Variants in ERCC4 observed in about 807,000 individuals in gnomAD.
The protein encoded by ERCC4 is DNA repair endonuclease XPF.
Under a neutral mutation model 76.9 loss-of-function variants are expected in ERCC4, and 65 were observed. The observed-to-expected ratio is 0.84, with a 90% confidence interval of 0.69 to 1.04. The LOEUF (loss-of-function observed/expected upper bound fraction) is 1.04, where lower values mean the gene tolerates loss of function less well. Among genes scored for constraint, ERCC4 ranks in the 50% least tolerant of loss-of-function variants. The pLI is 0.00. For missense variants in ERCC4, 1,214 were observed against 1,128.2 expected (o/e 1.08, Z -1.09); for synonymous variants, 463 against 410.1 (o/e 1.13, Z -1.56).
chr16:13,933,981 T>C (rs1567247027), intron 6 of ERCC4: 4 of 488,066 alleles, frequency 8.2e-6, no homozygotes, highest in Non-Finnish European at 1.5e-5. Context: ...CCAAGGCATT[T>C]TGAAAGCCAT....
Position 13,926,635 on chromosome 16 carries a change from A to G in ERCC4, c.463A>G (p.Lys155Glu). 2 of 1,614,210 alleles carry G rather than the reference A, an allele frequency of 1.2e-6. No individual in the cohort carries two copies. Among genetic ancestry groups the G allele is most frequent in the Non-Finnish European group, 1.7e-6 (2 of 1,180,020 alleles). Residue 155 changes from lysine (K) to glutamate (E), a missense_variant, in exon 3 of 11, where the codon AAA becomes GAA. Coordinates refer to ENST00000311895, the MANE Select transcript of ERCC4 (RefSeq NM_005236.3). ...ATTCATCTTGCGCCTCTTTCGCCAG[A>G]AAAACAAACGTGGTTTTATTAAAGC... is the stretch of plus-strand genomic sequence containing the variant. Reference protein sequence around the residue: ...EAFILRLFRQKNKRGFIKAFT... With the variant: ...EAFILRLFRQENKRGFIKAFT...
intron 1 of ERCC4, among the ~76,000 whole-genome samples, chr16:13,920,995 G>T: frequency 6.6e-6 from 1 of 152,170 alleles, no homozygotes; most frequent in East Asian, 1.9e-4. Flanking sequence ...TCGCTGCAGG[G>T]GAGGGGGAGA....
rs1809064901 is a variant in ERCC4, at chr16:13,948,224, A to G, written c.2628A>G (p.Leu876=). ...ACCACGTTAAGAACATCGCAGAATT[A>G]GCAGCCCTGTCACAAGACGAGCTCA... ...LMHHVKNIAE[L]AALSQDELTS... is the part of the protein sequence containing the mutation. The change falls in exon 11 of 11, where the codon TTA becomes TTG. Residue 876 remains leucine (L), a synonymous_variant. Transcript: ENST00000311895. The G allele has an allele frequency of 5.0e-6, 8 of 1,614,222 alleles. No individual in the cohort carries two copies. The highest frequency in any genetic ancestry group is 5.1e-6 in the Non-Finnish European group (6 of 1,180,042).
chr16:13,945,147 A>G (rs2032490892), intron 10 of ERCC4, among the ~76,000 whole-genome samples: 1 of 152,210 alleles, frequency 6.6e-6, no homozygotes, highest in African/African-American at 2.4e-5. Context: ...GTACTTTTGC[A>G]AATAAACTTT....
chr16:13,934,921 T>C, intron 7 of ERCC4: 1 of 496,782 alleles, frequency 2.0e-6, no homozygotes, highest in East Asian at 3.1e-5. Flanking sequence ...TTTCATAAGA[T>C]TAAATAGTCT....
intron 8 of ERCC4, 107 bp downstream of exon 8, chr16:13,935,850 C>A: frequency 1.1e-6 from 1 of 902,076 alleles, no homozygotes; most frequent in Non-Finnish European, 1.8e-6. Flanking sequence ...TACGATGCTG[C>A]TTATGTTTAT....
Position 13,949,338 on chromosome 16 carries a change from T to C in ERCC4, c.*991T>C. The C allele has an allele frequency of 4.3e-6, 1 of 233,684 alleles. No individual in the cohort carries two copies. Among genetic ancestry groups the C allele is most frequent in the Non-Finnish European group, 8.5e-6 (1 of 118,316 alleles). The allele number at this position is 233,684 out of a possible 1,614,324, so 14.5% of individuals were successfully genotyped here. On this transcript the variant is annotated 3_prime_UTR_variant, in exon 11 of 11. Coordinates refer to ENST00000311895, the MANE Select transcript of ERCC4 (RefSeq NM_005236.3). ...CATATCCTCTAGAAATACAACCTAA[T>C]TGGCAGTGAGCCGAGATCGCACCAC...
chr16:13,938,492 C>A (rs575305438), intron 9 of ERCC4, among the ~76,000 whole-genome samples: 2 of 152,138 alleles, frequency 1.3e-5, no homozygotes, highest in South Asian at 4.1e-4. Flanking sequence ...TGAAGGCATT[C>A]GATAAATCTG....
intron 4 of ERCC4, among the ~76,000 whole-genome samples, chr16:13,929,732 G>A (rs552412099): frequency 6.6e-6 from 1 of 152,202 alleles, no homozygotes; most frequent in Non-Finnish European, 1.5e-5. Context: ...TTGGGAGGCC[G>A]AGGCGGGCAG....
chr16:13,925,646 A>G (rs1260002721), intron 2 of ERCC4, among the ~76,000 whole-genome samples: 1 of 152,222 alleles, frequency 6.6e-6, no homozygotes, highest in East Asian at 1.9e-4. Flanking sequence ...CCTTCCAGAT[A>G]TGAGAACTGG....
At chr16:13,941,942 G>T (rs1026187659) in intron 9 of ERCC4, among the ~76,000 whole-genome samples, 2 of 152,160 alleles carry the variant, frequency 1.3e-5, no homozygotes, top group Non-Finnish European at 2.9e-5. Flanking sequence ...TTGAAGACTG[G>T]GTGCAGTGGC....
intron 8 of ERCC4, among the ~76,000 whole-genome samples, chr16:13,936,837 A>T (rs942845354): frequency 6.6e-6 from 1 of 152,226 alleles, no homozygotes; most frequent in Non-Finnish European, 1.5e-5. Flanking sequence ...AGGTGAAGCA[A>T]AGGGACAGAG....
intron 9 of ERCC4, among the ~76,000 whole-genome samples, chr16:13,942,507 C>G (rs1218883935): frequency 1.3e-5 from 2 of 152,306 alleles, no homozygotes; most frequent in East Asian, 3.9e-4. Flanking sequence ...AATAATAACA[C>G]CTAACATTTA....
At chr16:13,945,817 C>CCACA (rs1405574424) in intron 10 of ERCC4, among the ~76,000 whole-genome samples, 1 of 152,162 alleles carries the variant, frequency 6.6e-6, no homozygotes, top group East Asian at 1.9e-4. Flanking sequence ...AGTATGGGTA[C>CCACA]CACACAGAGA....
Position 13,925,317 on chromosome 16 carries a change from C to T in ERCC4, c.389-1244C>T, listed in dbSNP as rs192239769. Among the ~76,000 whole-genome samples the T allele has an allele frequency of 4.5e-3, 688 of 152,252 alleles. 4 individuals are homozygous for T. The highest frequency in any genetic ancestry group is 0.016 in the African/African-American group (646 of 41,542). On this transcript the variant is annotated intron_variant, in intron 2 of 10. Transcript: ENST00000311895. ...TTCATTTTTATTATTCTTGACTCTACGTAATATTTCAATCCAGGCTAACAA... is the reference window on the plus strand; with the variant it reads ...TTCATTTTTATTATTCTTGACTCTATGTAATATTTCAATCCAGGCTAACAA...
At chr16:13,938,628 A>G (rs1200052274) in intron 9 of ERCC4, among the ~76,000 whole-genome samples, 1 of 152,232 alleles carries the variant, frequency 6.6e-6, no homozygotes, top group African/African-American at 2.4e-5. Flanking sequence ...GCTGAGCCAG[A>G]GAAAGTTAGA....
Position 13,930,905 on chromosome 16 carries a change from T to C in ERCC4, c.973+15T>C, listed in dbSNP as rs764556531. ...TCAGAATTCAGGTGGGAGATTAAAA[T>C]ACTAATAATATTCTAAGAGCTGATT... On this transcript the variant is annotated intron_variant, in intron 5 of 10. Transcript: ENST00000311895. 3.9e-6 allele frequency: 6 copies of C among 1,556,076 alleles called. No homozygotes were observed. The highest frequency in any genetic ancestry group is 5.3e-6 in the Non-Finnish European group (6 of 1,127,580).
In ERCC4 at chr16:13,930,872, G is replaced by C; in HGVS notation, c.955G>C (p.Ala319Pro). The change falls in exon 5 of 11, where the codon GCT becomes CCT. Residue 319 changes from alanine (A) to proline (P), a missense_variant. Physicochemically the swap from Ala to Pro is conservative, Grantham distance 27. Transcript: ENST00000311895. ...GGAATCTCTGAGAGCAACGGAAAAA[G>C]CTTTTGGTCAGAATTCAGGTGGGAG... ...LLESLRATEK[A>P]FGQNSGWLFL... 2 of 1,612,524 alleles carry C rather than the reference G, an allele frequency of 1.2e-6. No individual in the cohort carries two copies. Among genetic ancestry groups the C allele is most frequent in the South Asian group, 1.1e-5 (1 of 91,034 alleles).
chr16:13,920,565 G>GTA (rs2031953007), intron 1 of ERCC4, among the ~76,000 whole-genome samples, 193 bp downstream of exon 1: 1 of 151,566 alleles, frequency 6.6e-6, no homozygotes, highest in Admixed American at 6.6e-5. Context: ...GAACACAGAC[G>GTA]TATGTAAGGG....
Sources: allele counts gnomAD v4.1 joint callset (sites outside exome capture counted in the v4.1 genomes callset), GRCh38; gene constraint gnomAD v4.1.1; transcripts MANE v1.5; gene names NCBI Gene and HGNC (gene_info 2026-07-23, HGNC 2026-07-21).